Variants in JAKMIP1 observed in about 807,000 individuals in gnomAD.
JAKMIP1 encodes the protein janus kinase and microtubule interacting protein 1.
JAKMIP1 carries 33 observed loss-of-function variants against 113.0 expected under a neutral mutation model. The observed-to-expected ratio is 0.29, with a 90% CI of 0.22 to 0.39. The LOEUF is 0.39. Among genes scored for constraint, JAKMIP1 ranks in the 10% least tolerant of loss-of-function variants. The pLI is 1.00. For synonymous variants in JAKMIP1, 480 were observed against 459.9 expected (o/e 1.04, Z -0.56); for missense variants, 813 against 1,080.5 (o/e 0.75, Z 3.47).
In JAKMIP1 at chr4:6,042,303, G is replaced by C. The variant is rs1714432575; in HGVS notation, c.2029-76C>G. ...CAAGGGGCTGTGGAATTTCACAGGT[G>C]TGTGAATTTCATAGATCGGCTTCCT... On this transcript the variant is annotated intron_variant, in intron 16 of 20. Coordinates refer to ENST00000409021, the MANE Select transcript of JAKMIP1 (RefSeq NM_001099433.2). The surrounding 1 kb of genome is among the most constrained non-coding windows in gnomAD (Gnocchi z 5.2). 1 of 1,192,708 alleles carries C rather than the reference G, an allele frequency of 8.4e-7. No individual in the cohort carries two copies. The highest frequency in any genetic ancestry group is 1.5e-5 in the African/African-American group (1 of 66,774). 73.9% of individuals were successfully genotyped at this position (1,192,708 alleles called of 1,614,324 possible).
chr4:6,166,849 GT>G (rs1723700903), intron 1 of JAKMIP1, among the ~76,000 whole-genome samples: 1 of 152,108 alleles, frequency 6.6e-6, no homozygotes. Context: ...TCTTGGGCAA[GT>G]TTCTTACCCT....
In JAKMIP1 at chr4:6,038,336, CTGAGG is replaced by C. The variant is rs1433177111; in HGVS notation, c.2176-2234_2176-2230del. 2.4e-3 allele frequency among the ~76,000 whole-genome samples: 356 copies of C among 146,948 alleles called. 18 individuals carry two copies. The highest frequency in any genetic ancestry group is 9.1e-3 in the African/African-American group (341 of 37,504). On this transcript the variant is annotated intron_variant, in intron 18 of 20. Transcript: ENST00000409021. ...AGGTTAACCCAGTAGCCCTCCATCACTGAGGCAGAGGTTAACCCAGTAGCCCTCCG... is the reference window on the plus strand; with the variant it reads ...AGGTTAACCCAGTAGCCCTCCATCACCAGAGGTTAACCCAGTAGCCCTCCG...
Position 6,050,754 on chromosome 4 carries a change from G to T in JAKMIP1, c.1807-75C>A. 2 of 1,229,934 alleles carry T rather than the reference G, an allele frequency of 1.6e-6. No homozygotes were observed. The highest frequency in any genetic ancestry group is 2.7e-5 in the South Asian group (2 of 75,400). The allele number at this position is 1,229,934 out of a possible 1,614,324, so 76.2% of individuals were successfully genotyped here. ...ACTTGCCATTTTCCCACGTTACTCA[G>T]CAAAAACCAAGGAATTCCAGTGGGC... On this transcript the variant is annotated intron_variant, in intron 13 of 20. Coordinates refer to ENST00000409021, the MANE Select transcript of JAKMIP1 (RefSeq NM_001099433.2). This position sits in a 1 kb window ranked among gnomAD's most constrained non-coding sequence, Gnocchi z 7.4.
In JAKMIP1 at chr4:6,158,156, G is replaced by A. The variant is rs913045763; in HGVS notation, c.-148+42097C>T. ...CCTGGAACGCAAGGATGGGGAGAAC[G>A]GATCGCCTCACAGTGTGGAGGGCAG... is the stretch of plus-strand genomic sequence containing the variant. On this transcript the variant is annotated intron_variant, in intron 1 of 20. Transcript: ENST00000409021. This position sits in a 1 kb window ranked among gnomAD's most constrained non-coding sequence, Gnocchi z 5.3. 1.5e-4 allele frequency among the ~76,000 whole-genome samples: 23 copies of A among 152,302 alleles called. No individual in the cohort carries two copies. Among genetic ancestry groups the A allele is most frequent in the South Asian group, 2.1e-4 (1 of 4,828 alleles).
chr4:6,051,470 C>T lies in JAKMIP1; in HGVS notation c.1807-791G>A, dbSNP rs1715651788. On this transcript the variant is annotated intron_variant, in intron 13 of 20. Transcript: ENST00000409021. This position sits in a 1 kb window ranked among gnomAD's most constrained non-coding sequence, Gnocchi z 5.0. ...CCAGGCTGGTCTTGAACTCCAGAGACCTCAGGTGATCCACCCGCCTCGGCC... is the reference window on the plus strand; with the variant it reads ...CCAGGCTGGTCTTGAACTCCAGAGATCTCAGGTGATCCACCCGCCTCGGCC... Among the ~76,000 whole-genome samples the T allele has an allele frequency of 1.3e-5, 2 of 152,092 alleles. No homozygotes were observed. Among genetic ancestry groups the T allele is most frequent in the Non-Finnish European group, 1.5e-5 (1 of 68,008 alleles).
chr4:6,038,557 A>T (rs1190115188), intron 18 of JAKMIP1, among the ~76,000 whole-genome samples: 1 of 152,250 alleles, frequency 6.6e-6, no homozygotes, highest in Non-Finnish European at 1.5e-5. Context: ...AGGCTAACCC[A>T]GTAGCCCTCC....
At position 6,164,500 on chromosome 4, in the gene JAKMIP1, T is replaced by A. The variant is rs143102471; in HGVS notation, c.-148+35753A>T. On this transcript the variant is annotated intron_variant, in intron 1 of 20. Coordinates refer to ENST00000409021, the MANE Select transcript of JAKMIP1 (RefSeq NM_001099433.2). ...AACACACCATCCATTCTGCAGCCCA[T>A]GGATCAAGAAATAATTTTGATGTTT... Among the ~76,000 whole-genome samples the A allele has an allele frequency of 3.5e-4, 53 of 152,344 alleles. No individual in the cohort carries two copies. In the East Asian group the frequency reaches 9.4e-3, roughly 27 times the overall value.
Position 6,139,956 on chromosome 4 carries a change from C to T in JAKMIP1, c.-147-26959G>A, listed in dbSNP as rs372265760. ...GGAGAGGCCTGGGGCAGAGTCCCCT[C>T]GCAGCCTCAGATGGGGTCAACCCTG... On this transcript the variant is annotated intron_variant, in intron 1 of 20. Transcript: ENST00000409021. The surrounding 1 kb of genome is among the most constrained non-coding windows in gnomAD (Gnocchi z 5.2). Among the ~76,000 whole-genome samples, 12 of 152,174 alleles carry T rather than the reference C, an allele frequency of 7.9e-5. No individual in the cohort carries two copies. Among genetic ancestry groups the T allele is most frequent in the Middle Eastern group, 3.4e-3 (1 of 294 alleles).
Position 6,054,033 on chromosome 4 carries a change from C to G in JAKMIP1, c.1806+17G>C, listed in dbSNP as rs772261470. 2 of 1,614,200 alleles carry G rather than the reference C, an allele frequency of 1.2e-6. No homozygotes were observed. The highest frequency in any genetic ancestry group is 1.7e-6 in the Non-Finnish European group (2 of 1,180,008). On this transcript the variant is annotated intron_variant, in intron 13 of 20. Transcript: ENST00000409021. ...GTCTGCTCCGTTTGAGAGTTTACAA[C>G]AGATAGAGTCTCTTACTTCGAGTTC... is the stretch of plus-strand genomic sequence containing the variant.
intron 8 of JAKMIP1, among the ~76,000 whole-genome samples, chr4:6,072,109 A>G (rs1255619830): frequency 6.6e-6 from 1 of 152,148 alleles, no homozygotes; most frequent in African/African-American, 2.4e-5. Context: ...TCTTATGTAA[A>G]GTGTTGATTT....
chr4:6,170,223 T>C (rs1269149633), intron 1 of JAKMIP1, among the ~76,000 whole-genome samples: 6 of 121,798 alleles, frequency 4.9e-5, no homozygotes, highest in East Asian at 2.9e-4. Context: ...ACCATCATAA[T>C]GCTCTCCACC....
rs1257994505 is a variant in JAKMIP1 at position 6,193,621 on chromosome 4, G to A, written c.-148+6632C>T. Among the ~76,000 whole-genome samples, 1 of 152,186 alleles carries A rather than the reference G, an allele frequency of 6.6e-6. No individual in the cohort carries two copies. Among genetic ancestry groups the A allele is most frequent in the African/African-American group, 2.4e-5 (1 of 41,452 alleles). Reference sequence around the variant, plus strand: ...GCTGCCTCTCTGGGGCACTCGGCTGGCTCCCGCATCGTCCCTCCTGCCTCG... The same window carrying A: ...GCTGCCTCTCTGGGGCACTCGGCTGACTCCCGCATCGTCCCTCCTGCCTCG... On this transcript the variant is annotated intron_variant, in intron 1 of 20. Coordinates refer to ENST00000409021, the MANE Select transcript of JAKMIP1 (RefSeq NM_001099433.2). The surrounding 1 kb of genome is among the most constrained non-coding windows in gnomAD (Gnocchi z 6.4).
At position 6,135,294 on chromosome 4, in the gene JAKMIP1, T is replaced by C. The variant is rs6446465; in HGVS notation, c.-147-22297A>G. Among the ~76,000 whole-genome samples the C allele has an allele frequency of 0.93, 142,029 of 152,236 alleles. 67,036 individuals are homozygous for C. Among genetic ancestry groups the C allele is most frequent in the East Asian group, 1 (5,169 of 5,170 alleles). ...TCCAAGATGACGGATGTCCTAACAA[T>C]ACGAGGAAAATAGGACACAGACACA... is the stretch of plus-strand genomic sequence containing the variant. On this transcript the variant is annotated intron_variant, in intron 1 of 20. Coordinates refer to ENST00000409021, the MANE Select transcript of JAKMIP1 (RefSeq NM_001099433.2). The surrounding 1 kb of genome is among the most constrained non-coding windows in gnomAD (Gnocchi z 4.9).
At chr4:6,096,614 T>G (rs1711812167) in intron 3 of JAKMIP1, among the ~76,000 whole-genome samples, 1 of 152,230 alleles carries the variant, frequency 6.6e-6, no homozygotes, top group African/African-American at 2.4e-5. Flanking sequence ...AATTGAGTTT[T>G]GAAAGAGGAT....
intron 1 of JAKMIP1, among the ~76,000 whole-genome samples, chr4:6,198,799 C>G (rs1728115393): frequency 6.6e-6 from 1 of 152,204 alleles, no homozygotes; most frequent in Non-Finnish European, 1.5e-5. Flanking sequence ...CCTTGCCCAT[C>G]CCAGCTAGTG....
At position 6,150,065 on chromosome 4, in the gene JAKMIP1, C is replaced by A. The variant is rs555989341; in HGVS notation, c.-147-37068G>T. On this transcript the variant is annotated intron_variant, in intron 1 of 20. Transcript: ENST00000409021. The surrounding 1 kb of genome is among the most constrained non-coding windows in gnomAD (Gnocchi z 4.8). Reference sequence around the variant, plus strand: ...TACACACTCATTCTTCCAAGAAACACGCCTACAAGTTTGTGGAGCGCCTGC... The same window carrying A: ...TACACACTCATTCTTCCAAGAAACAAGCCTACAAGTTTGTGGAGCGCCTGC... 1.2e-4 allele frequency among the ~76,000 whole-genome samples: 19 copies of A among 152,300 alleles called. No individual in the cohort carries two copies. The South Asian group carries it at 3.9e-3, about 32-fold the overall frequency.
chr4:6,060,029 C>T (rs1186403540), intron 11 of JAKMIP1, among the ~76,000 whole-genome samples: 1 of 152,146 alleles, frequency 6.6e-6, no homozygotes, highest in African/African-American at 2.4e-5. Flanking sequence ...AGAGGTGGGG[C>T]CTCTGCAATA....
At chr4:6,071,888 G>A (rs1182537158) in intron 8 of JAKMIP1, among the ~76,000 whole-genome samples, 1 of 152,220 alleles carries the variant, frequency 6.6e-6, no homozygotes, top group East Asian at 1.9e-4. Flanking sequence ...GGGACATGGA[G>A]CAATGCTCAG....
rs1400788289 is a variant in JAKMIP1, at chr4:6,179,340, A to G, written c.-148+20913T>C. On this transcript the variant is annotated intron_variant, in intron 1 of 20. Transcript: ENST00000409021. This position sits in a 1 kb window ranked among gnomAD's most constrained non-coding sequence, Gnocchi z 4.5. ...TGGTGGTTGAGAGGCTTAAAGAGGA[A>G]CCTAAAGCACCTGCTCAGGTGAGTA... 6.6e-6 allele frequency among the ~76,000 whole-genome samples: 1 copy of G among 152,112 alleles called. No homozygotes were observed. Among genetic ancestry groups the G allele is most frequent in the Non-Finnish European group, 1.5e-5 (1 of 68,018 alleles).
Sources: gnomAD v4.1 joint callset for allele counts (sites outside exome capture counted in the v4.1 genomes callset) on GRCh38, gnomAD v4.1.1 for gene constraint, Gnocchi (gnomAD v3.1) non-coding constraint, MANE v1.5 for transcripts, NCBI Gene and HGNC (gene_info 2026-07-23, HGNC 2026-07-21) for gene names.